TFDP2: variants seen among roughly 807,000 people sequenced by gnomAD.
TFDP2 encodes the protein transcription factor Dp-2 (E2F dimerization partner 2).
Under a neutral mutation model 59.3 loss-of-function variants are expected in TFDP2, and 17 were observed. The observed-to-expected ratio is 0.29, with a 90% CI of 0.20 to 0.43. The LOEUF is 0.43. Ranked by LOEUF, TFDP2 falls within the 20% of genes least tolerant of loss-of-function variation. The pLI is 1.00. For synonymous variants in TFDP2, 180 were observed against 194.7 expected, an observed-to-expected ratio of 0.92 and a Z score of 0.63; for missense variants, 391 against 528.8, an observed-to-expected ratio of 0.74 and a Z score of 2.56.
chr3:142,123,479 G>T (rs939501680), intron 1 of TFDP2, among the ~76,000 whole-genome samples: 1 of 151,898 alleles, frequency 6.6e-6, no homozygotes, highest in Non-Finnish European at 1.5e-5. Context: ...CATTGACCAG[G>T]CTGGTCTTGA....
chr3:142,027,025 A>G (rs1335150331), intron 3 of TFDP2, among the ~76,000 whole-genome samples: 1 of 152,112 alleles, frequency 6.6e-6, no homozygotes, highest in East Asian at 1.9e-4. Context: ...GATGTTTCTC[A>G]TTTTATTTTC....
intron 1 of TFDP2, among the ~76,000 whole-genome samples, chr3:142,123,505 T>C (rs1459862655): frequency 6.6e-6 from 1 of 152,026 alleles, no homozygotes; most frequent in Non-Finnish European, 1.5e-5. Context: ...TGACCTCAAA[T>C]GATCCACCTC....
intron 3 of TFDP2, among the ~76,000 whole-genome samples, chr3:142,054,618 CATCCACTGA>C (rs2059677497): frequency 6.6e-6 from 1 of 152,166 alleles, no homozygotes; most frequent in South Asian, 2.1e-4. Context: ...TCATAATTCT[CATCCACTGA>C]AACAACTGGC....
rs149373994 is a variant in TFDP2 at position 141,945,786 on chromosome 3, C to A, written c.*6727G>T. The A allele has an allele frequency of 4.6e-5, 7 of 152,186 alleles. No individual in the cohort carries two copies. Among genetic ancestry groups the A allele is most frequent in the Non-Finnish European group, 7.3e-5 (5 of 68,036 alleles). 9.4% of individuals were successfully genotyped at this position (152,186 alleles called of 1,614,324 possible). On this transcript the variant is annotated 3_prime_UTR_variant, in exon 13 of 13. Transcript: ENST00000489671. ...GTGACAAATGGCATGCATTGAAGCA[C>A]GACAAGGGATGAGTTTTTAAATCCA...
At chr3:142,023,348 C>CTT (rs546658033) in intron 3 of TFDP2, among the ~76,000 whole-genome samples, 1,658 of 143,942 alleles carry the variant, frequency 0.012, 35 homozygotes, top group African/African-American at 0.039. Context: ...CCACATCTGG[C>CTT]TTTTTTTTTT....
intron 3 of TFDP2, among the ~76,000 whole-genome samples, chr3:142,025,714 C>G (rs745847176): frequency 6.6e-6 from 1 of 152,266 alleles, no homozygotes; most frequent in East Asian, 1.9e-4. Context: ...AGAGAAAAAA[C>G]CTCAACCATT....
chr3:141,976,865 CAA>C (rs144559125), intron 7 of TFDP2, among the ~76,000 whole-genome samples: 2 of 137,460 alleles, frequency 1.5e-5, no homozygotes, highest in Non-Finnish European at 1.6e-5. Context: ...CAATGTAATC[CAA>C]AAAAAAAAGG....
intron 3 of TFDP2, among the ~76,000 whole-genome samples, chr3:142,055,135 T>C (rs990367780): frequency 5.9e-5 from 9 of 152,204 alleles, no homozygotes; most frequent in Admixed American, 6.5e-5. Flanking sequence ...TCACTGGGAA[T>C]GGGATTCAAC....
At chr3:142,090,130 T>C (rs924150321) in intron 3 of TFDP2, among the ~76,000 whole-genome samples, 1 of 152,184 alleles carries the variant, frequency 6.6e-6, no homozygotes, top group East Asian at 1.9e-4. Flanking sequence ...TGTTACTAGC[T>C]AACAGCTCAA....
intron 3 of TFDP2, among the ~76,000 whole-genome samples, chr3:142,065,778 G>A (rs899172888): frequency 1.3e-5 from 2 of 152,082 alleles, no homozygotes; most frequent in South Asian, 2.1e-4. Flanking sequence ...CTCTCAAAGC[G>A]CTGGGATTTG....
intron 3 of TFDP2, among the ~76,000 whole-genome samples, chr3:142,082,821 C>T (rs963570040): frequency 7.9e-5 from 12 of 152,142 alleles, no homozygotes; most frequent in Admixed American, 3.9e-4. Flanking sequence ...AATTCAACAT[C>T]GCTTCATGAT....
At chr3:142,115,315 C>CA (rs2061812825) in intron 1 of TFDP2, among the ~76,000 whole-genome samples, 1 of 130,976 alleles carries the variant, frequency 7.6e-6, no homozygotes. Flanking sequence ...CACGCATTTT[C>CA]TTTTTTTTTT....
At chr3:142,019,270 C>T (rs540928738) in intron 3 of TFDP2, among the ~76,000 whole-genome samples, 2 of 152,148 alleles carry the variant, frequency 1.3e-5, no homozygotes, top group East Asian at 3.9e-4. Context: ...CACCGTGTTG[C>T]CCAGGCTGAT....
intron 9 of TFDP2, among the ~76,000 whole-genome samples, chr3:141,964,532 GT>G (rs2107914698): frequency 6.6e-6 from 1 of 152,236 alleles, no homozygotes; most frequent in East Asian, 1.9e-4. Context: ...TGTGCCTATA[GT>G]CCCAGCTACC....
At chr3:142,010,621 A>C (rs921893707) in intron 3 of TFDP2, among the ~76,000 whole-genome samples, 1 of 151,114 alleles carries the variant, frequency 6.6e-6, no homozygotes, top group Non-Finnish European at 1.5e-5. Flanking sequence ...AAAAAAAAAA[A>C]AAAAAAAACC....
At chr3:142,002,032 T>C (rs1305444691) in intron 4 of TFDP2, among the ~76,000 whole-genome samples, 6 of 150,476 alleles carry the variant, frequency 4.0e-5, no homozygotes, top group African/African-American at 1.5e-4. Flanking sequence ...TCTCGCTCTG[T>C]TGCCCAGGCT....
At chr3:142,112,789 G>A (rs2061706816) in intron 1 of TFDP2, among the ~76,000 whole-genome samples, 1 of 152,112 alleles carries the variant, frequency 6.6e-6, no homozygotes, top group African/African-American at 2.4e-5. Flanking sequence ...CTGAGTAGCT[G>A]GGACTACAGG....
chr3:142,067,134 CT>C (rs1465013005), intron 3 of TFDP2, among the ~76,000 whole-genome samples: 2 of 152,112 alleles, frequency 1.3e-5, no homozygotes, highest in African/African-American at 4.8e-5. Flanking sequence ...TTTATCAAAC[CT>C]TGTGCTGAAA....
intron 3 of TFDP2, among the ~76,000 whole-genome samples, chr3:142,038,582 A>G (rs1227299434): frequency 1.3e-5 from 2 of 152,150 alleles, no homozygotes; most frequent in African/African-American, 2.4e-5. Context: ...CTTTTTATAT[A>G]ATGTCCAAAA....
Sources: allele counts gnomAD v4.1 joint callset (sites outside exome capture counted in the v4.1 genomes callset), GRCh38; gene constraint gnomAD v4.1.1; transcripts MANE v1.5; gene names NCBI Gene and HGNC (gene_info 2026-07-23, HGNC 2026-07-21).